The following ZC3H14 variants were observed in gnomAD, a reference collection of about 807,000 sequenced individuals.
The protein encoded by ZC3H14 is zinc finger CCCH-type containing 14, also known as zinc finger CCCH domain-containing protein 14.
Under a neutral mutation model 92.4 loss-of-function variants are expected in ZC3H14, and 31 were observed. That is an observed-to-expected ratio of 0.34 (90% CI 0.25 to 0.45). ZC3H14 has a LOEUF of 0.45. Among genes scored for constraint, ZC3H14 ranks in the 20% least tolerant of loss-of-function variants. The pLI is 1.00. For synonymous variants in ZC3H14, 321 were observed against 300.9 expected, an observed-to-expected ratio of 1.07 and a Z score of -0.69; for missense variants, 781 against 897.3, an observed-to-expected ratio of 0.87 and a Z score of 1.66.
chr14:88,585,638 C>T (rs2082382929), intron 9 of ZC3H14, among the ~76,000 whole-genome samples: 1 of 152,146 alleles, frequency 6.6e-6, no homozygotes, highest in Non-Finnish European at 1.5e-5. Flanking sequence ...TATCTGCCCG[C>T]TTCAGCCTCC....
chr14:88,620,942 A>G lies in ZC3H14; in HGVS notation c.*9191A>G. On this transcript the variant is annotated 3_prime_UTR_variant, in exon 17 of 17. Coordinates refer to ENST00000251038, the MANE Select transcript of ZC3H14 (RefSeq NM_024824.5). The surrounding 1 kb of genome is among the most constrained non-coding windows in gnomAD (Gnocchi z 4.3). The stretch of plus-strand genomic sequence containing the variant: ...TTAACATCTTCTGCATTTAAAAAAA[A>G]AAAAAAAAAGAGTCATAGGAAACAT... 6.7e-7 allele frequency: 1 copy of G among 1,491,772 alleles called. No homozygotes were observed. Among genetic ancestry groups the G allele is most frequent in the Non-Finnish European group, 8.9e-7 (1 of 1,126,082 alleles). 92.4% of individuals were successfully genotyped at this position (1,491,772 alleles called of 1,614,324 possible). A position where few individuals can be genotyped will look rare whatever the true frequency, so the allele number is the denominator to read the frequency against.
chr14:88,596,421 C>A (rs1291071886), intron 9 of ZC3H14, among the ~76,000 whole-genome samples: 3 of 152,108 alleles, frequency 2.0e-5, no homozygotes, highest in African/African-American at 7.2e-5. Context: ...CCACAAGGTG[C>A]CTTTTCCTGG....
intron 15 of ZC3H14, 125 bp from the exon 16 acceptor site, chr14:88,610,709 C>T (rs974248442): frequency 1.1e-6 from 1 of 900,258 alleles, no homozygotes; most frequent in Non-Finnish European, 1.8e-6. Context: ...GAGACTGAGG[C>T]AAGAGGTCAT....
At chr14:88,601,197 A>G (rs897404045) in intron 10 of ZC3H14, among the ~76,000 whole-genome samples, 1 of 152,092 alleles carries the variant, frequency 6.6e-6, no homozygotes, top group Non-Finnish European at 1.5e-5. Flanking sequence ...TTCAGTAAAT[A>G]CTCAGTGAAT....
rs1053904476 is a variant in ZC3H14 at position 88,619,580 on chromosome 14, C to T, written c.*7829C>T. 1 of 152,168 alleles carries T rather than the reference C, an allele frequency of 6.6e-6. No homozygotes were observed. Among genetic ancestry groups the T allele is most frequent in the African/African-American group, 2.4e-5 (1 of 41,452 alleles). The allele number at this position is 152,168 out of a possible 1,614,324, so 9.4% of individuals were successfully genotyped here. A position where few individuals can be genotyped will look rare whatever the true frequency, so the allele number is the denominator to read the frequency against. On this transcript the variant is annotated 3_prime_UTR_variant, in exon 17 of 17. Coordinates refer to ENST00000251038, the MANE Select transcript of ZC3H14 (RefSeq NM_024824.5). ...ACAATTCATTAAGATAGTTTTCTTC[C>T]ATCTGGAAAAAACGTTGTCTTAATA... is the stretch of plus-strand genomic sequence containing the variant.
At chr14:88,567,630 G>A (rs2079874787) in intron 2 of ZC3H14, among the ~76,000 whole-genome samples, 1 of 152,204 alleles carries the variant, frequency 6.6e-6, no homozygotes, top group South Asian at 2.1e-4. Context: ...CAAGGGTAAA[G>A]ATGTTCACTT....
intron 7 of ZC3H14, among the ~76,000 whole-genome samples, chr14:88,575,542 ATAAAT>A (rs2081052531): frequency 6.6e-6 from 1 of 152,090 alleles, no homozygotes; most frequent in African/African-American, 2.4e-5. Context: ...AAAAATTAAA[ATAAAT>A]TAGTTGGTCA....
rs371068136 is a variant in ZC3H14, at chr14:88,577,976, A to G, written c.1124-9A>G. 89 of 1,613,738 alleles carry G rather than the reference A, an allele frequency of 5.5e-5. No individual in the cohort carries two copies. Among genetic ancestry groups the G allele is most frequent in the Non-Finnish European group, 7.0e-5 (83 of 1,179,896 alleles). Reference sequence around the variant, plus strand: ...TTGTATTTCTATCTTTTTTGCTTTTATGTGAAAGTTCCACAGAAACAGACA... The same window carrying G: ...TTGTATTTCTATCTTTTTTGCTTTTGTGTGAAAGTTCCACAGAAACAGACA... On this transcript the variant is annotated splice_polypyrimidine_tract_variant and intron_variant, in intron 8 of 16. Coordinates refer to ENST00000251038, the MANE Select transcript of ZC3H14 (RefSeq NM_024824.5).
At chr14:88,575,440 C>G (rs904198082) in intron 7 of ZC3H14, among the ~76,000 whole-genome samples, 1 of 152,056 alleles carries the variant, frequency 6.6e-6, no homozygotes, top group Non-Finnish European at 1.5e-5. Flanking sequence ...CATGCCTGTA[C>G]CTAGCACTTT....
intron 3 of ZC3H14, among the ~76,000 whole-genome samples, chr14:88,568,539 G>A (rs891295546): frequency 2.0e-5 from 3 of 152,156 alleles, no homozygotes; most frequent in Non-Finnish European, 4.4e-5. Context: ...ACTGTCTCTT[G>A]AGAACTCACT....
chr14:88,579,741 A>T (rs1276434682), intron 9 of ZC3H14, among the ~76,000 whole-genome samples: 2 of 152,240 alleles, frequency 1.3e-5, no homozygotes, highest in Non-Finnish European at 2.9e-5. Flanking sequence ...TGAACAACAG[A>T]AAAGTATCAA....
At chr14:88,594,912 A>T in intron 9 of ZC3H14, 1 of 1,614,050 alleles carries the variant, frequency 6.2e-7, no homozygotes, top group Non-Finnish European at 8.5e-7. Flanking sequence ...CTATTTTGAC[A>T]GTGGAAGCAA....
At chr14:88,609,528 A>C (rs1018196145) in intron 14 of ZC3H14, 125 bp downstream of exon 14, 3 of 1,490,792 alleles carry the variant, frequency 2.0e-6, no homozygotes, top group African/African-American at 2.8e-5. Flanking sequence ...AGTTAATCCA[A>C]CCAGTCTTTA....
chr14:88,603,150 G>C, intron 12 of ZC3H14, 90 bp downstream of exon 12: 2 of 1,292,618 alleles, frequency 1.5e-6, no homozygotes, highest in Non-Finnish European at 2.2e-6. Flanking sequence ...TTGGTTAAAG[G>C]CCTTGCTTTT....
Position 88,625,216 on chromosome 14 carries a change from T to C in ZC3H14, c.*13465T>C, listed in dbSNP as rs2089735542. ...AATTTTCTATGTATGTGTAATGCTG[T>C]CTCACCCTTGATACAAAGAGCATGC... On this transcript the variant is annotated 3_prime_UTR_variant, in exon 17 of 17. Coordinates refer to ENST00000251038, the MANE Select transcript of ZC3H14 (RefSeq NM_024824.5). 7.0e-7 allele frequency: 1 copy of C among 1,438,150 alleles called. No homozygotes were observed. Among genetic ancestry groups the C allele is most frequent in the Non-Finnish European group, 9.4e-7 (1 of 1,062,066 alleles). 89.1% of individuals were successfully genotyped at this position (1,438,150 alleles called of 1,614,324 possible).
At position 88,619,079 on chromosome 14, in the gene ZC3H14, T is replaced by C. The variant is rs1246510010; in HGVS notation, c.*7328T>C. The C allele has an allele frequency of 1.6e-5, 4 of 248,316 alleles. No homozygotes were observed. Among genetic ancestry groups the C allele is most frequent in the East Asian group, 8.5e-5 (1 of 11,788 alleles). The allele number at this position is 248,316 out of a possible 1,614,324, so 15.4% of individuals were successfully genotyped here. On this transcript the variant is annotated 3_prime_UTR_variant, in exon 17 of 17. Coordinates refer to ENST00000251038, the MANE Select transcript of ZC3H14 (RefSeq NM_024824.5). ...AACGTCTAATGGCTTAAAAAAACTTTCTTAGGCCAGGCCCAGTGGCTCACA... is the reference window on the plus strand; with the variant it reads ...AACGTCTAATGGCTTAAAAAAACTTCCTTAGGCCAGGCCCAGTGGCTCACA...
chr14:88,606,746 G>GT (rs1430296425), intron 12 of ZC3H14, among the ~76,000 whole-genome samples: 5 of 59,926 alleles, frequency 8.3e-5, no homozygotes, highest in Admixed American at 1.9e-4. Context: ...GGACCCTGTC[G>GT]TAAAAAAAAA....
At position 88,616,442 on chromosome 14, in the gene ZC3H14, C is replaced by T. The variant is rs894228440; in HGVS notation, c.*4691C>T. The T allele has an allele frequency of 9.7e-6, 6 of 620,732 alleles. No homozygotes were observed. The Admixed American group carries it at 1.8e-4, about 18-fold the overall frequency. The allele number at this position is 620,732 out of a possible 1,614,324, so 38.5% of individuals were successfully genotyped here. On this transcript the variant is annotated 3_prime_UTR_variant, in exon 17 of 17. Coordinates refer to ENST00000251038, the MANE Select transcript of ZC3H14 (RefSeq NM_024824.5). ...GTGGGCAGTCAGATGTCTCCAGGTA[C>T]TCTGACCATTTTTCTCTAAGGAAAA... is the stretch of plus-strand genomic sequence containing the variant.
intron 1 of ZC3H14, 101 bp from the exon 2 acceptor site, chr14:88,563,550 G>A (rs1003362174): frequency 6.3e-7 from 1 of 1,582,226 alleles, no homozygotes; most frequent in African/African-American, 1.3e-5. Context: ...CGGGGGATCC[G>A]AGGTGCGCGC....
Sources: gnomAD v4.1 joint callset for allele counts (sites outside exome capture counted in the v4.1 genomes callset) on GRCh38, gnomAD v4.1.1 for gene constraint, Gnocchi (gnomAD v3.1) non-coding constraint, MANE v1.5 for transcripts, NCBI Gene and HGNC (gene_info 2026-07-23, HGNC 2026-07-21) for gene names.